Variants in TMEM63C observed in about 807,000 individuals in gnomAD.
TMEM63C encodes transmembrane protein 63C, also known as osmosensitive cation channel TMEM63C.
A neutral mutation model predicts 99.2 loss-of-function variants in TMEM63C; 32 were observed. The observed-to-expected ratio is 0.32, with a 90% confidence interval of 0.24 to 0.43. TMEM63C has a LOEUF of 0.43. Among genes scored for constraint, TMEM63C ranks in the 20% least tolerant of loss-of-function variants. TMEM63C has a pLI of 1.00. For missense variants in TMEM63C, 826 were observed against 1,053.0 expected (o/e 0.78, Z 2.98); for synonymous variants, 376 against 397.9 (o/e 0.94, Z 0.66).
Position 77,238,807 on chromosome 14 carries a change from TCCCCATAA to T in TMEM63C, c.725+45_725+52del, listed in dbSNP as rs762054657. ...GTAGGCCAAGGCGTGGATTGCTTCC[TCCCCATAA>T]CCCCGCCTGGGTCCTCAAGTGGGTA... On this transcript the variant is annotated intron_variant, in intron 10 of 23. Transcript: ENST00000298351. 3 of 1,536,212 alleles carry T rather than the reference TCCCCATAA, an allele frequency of 2.0e-6. No homozygotes were observed. In the Admixed American group the frequency reaches 5.0e-5, roughly 26 times the overall value.
Position 77,218,791 on chromosome 14 carries a change from T to C in TMEM63C, c.-13-10T>C, listed in dbSNP as rs759849365. 4 of 1,612,020 alleles carry C rather than the reference T, an allele frequency of 2.5e-6. No individual in the cohort carries two copies. The highest frequency in any genetic ancestry group is 3.4e-6 in the Non-Finnish European group (4 of 1,179,238). ...CTTTGCATCTGACCTGGATGCCCTCTGTTTCCCAGGGATCCTCCCAGGATG... is the reference window on the plus strand; with the variant it reads ...CTTTGCATCTGACCTGGATGCCCTCCGTTTCCCAGGGATCCTCCCAGGATG... On this transcript the variant is annotated splice_polypyrimidine_tract_variant and intron_variant, in intron 2 of 23. Transcript: ENST00000298351.
chr14:77,182,819 G>T (rs1184271034), intron 1 of TMEM63C, among the ~76,000 whole-genome samples: 3 of 152,112 alleles, frequency 2.0e-5, no homozygotes, highest in African/African-American at 7.2e-5. Flanking sequence ...TGTTCTTGTG[G>T]GTTCAAGGAA....
chr14:77,233,015 T>C (rs1298510148), intron 7 of TMEM63C, among the ~76,000 whole-genome samples: 1 of 152,168 alleles, frequency 6.6e-6, no homozygotes, highest in African/African-American at 2.4e-5. Flanking sequence ...TTTAGACACA[T>C]TTTATAAGGG....
At chr14:77,251,710 A>G (rs540065791) in intron 21 of TMEM63C, 79 bp from the exon 22 acceptor site, 1 of 1,157,772 alleles carries the variant, frequency 8.6e-7, no homozygotes, top group Non-Finnish European at 1.3e-6. Flanking sequence ...TGGTGCTGTG[A>G]CGGTCCCTGG....
At chr14:77,253,881 T>G (rs1594871569) in intron 23 of TMEM63C, among the ~76,000 whole-genome samples, 1 of 134,770 alleles carries the variant, frequency 7.4e-6, no homozygotes, top group Non-Finnish European at 1.5e-5. Flanking sequence ...GCAGGCTGGG[T>G]GCTGTCTCTC....
At chr14:77,187,536 T>A (rs1888023570) in intron 1 of TMEM63C, among the ~76,000 whole-genome samples, 1 of 152,186 alleles carries the variant, frequency 6.6e-6, no homozygotes, top group African/African-American at 2.4e-5. Context: ...CTTGGGGCCC[T>A]GGCCCAGGCA....
intron 6 of TMEM63C, among the ~76,000 whole-genome samples, chr14:77,226,113 C>T (rs1210384900): frequency 1.3e-5 from 2 of 152,258 alleles, no homozygotes; most frequent in Non-Finnish European, 2.9e-5. Flanking sequence ...CATGCACACT[C>T]ATACATACAC....
intron 16 of TMEM63C, 95 bp from the exon 17 acceptor site, chr14:77,245,845 C>T: frequency 2.2e-6 from 2 of 927,416 alleles, no homozygotes; most frequent in Non-Finnish European, 3.6e-6. Context: ...AGAGCCAAAC[C>T]ATATCAGTGT....
At position 77,242,352 on chromosome 14, in the gene TMEM63C, G is replaced by T. The variant is rs201848457; in HGVS notation, c.1070G>T (p.Arg357Leu). Reference sequence around the variant, plus strand: ...CTCTTCTCCCCTCTCTGCAGTGTCCGTAAGGATTACAAGTATGTCCAGTGT... The same window carrying T: ...CTCTTCTCCCCTCTCTGCAGTGTCCTTAAGGATTACAAGTATGTCCAGTGT... ...FQDSRMAKRV[R>L]KDYKYVQCGV... is the part of the protein sequence containing the mutation. Residue 357 changes from arginine to leucine, a missense_variant, in exon 14 of 24, where the codon CGT (arginine) becomes CTT (leucine). Physicochemically the swap from Arg to Leu is moderately radical, Grantham distance 102 (BLOSUM62 -2). Coordinates refer to ENST00000298351, the MANE Select transcript of TMEM63C (RefSeq NM_020431.4). 1.2e-6 allele frequency: 2 copies of T among 1,602,772 alleles called. No homozygotes were observed. Among genetic ancestry groups the T allele is most frequent in the Admixed American group, 3.4e-5 (2 of 59,132 alleles).
rs962668004 is a variant in TMEM63C, at chr14:77,233,401, C to T, written c.494-51C>T. On this transcript the variant is annotated intron_variant, in intron 7 of 23. Coordinates refer to ENST00000298351, the MANE Select transcript of TMEM63C (RefSeq NM_020431.4). The stretch of plus-strand genomic sequence containing the variant: ...TCCAGGAACCTTGAATTCTGGCGCC[C>T]CCAGCAACTGAGGAGCCAGGCTCGA... The T allele has an allele frequency of 1.6e-5, 26 of 1,595,304 alleles. No individual in the cohort carries two copies. In the African/African-American group the frequency reaches 2.8e-4, roughly 17 times the overall value.
In TMEM63C at chr14:77,249,388, C is replaced by T. The variant is rs781446602; in HGVS notation, c.1968C>T (p.Ala656=). 1.2e-5 allele frequency: 19 copies of T among 1,613,934 alleles called. No individual in the cohort carries two copies. Among genetic ancestry groups the T allele is most frequent in the African/African-American group, 2.7e-5 (2 of 74,926 alleles). Residue 656 remains alanine (A), a synonymous_variant, in exon 21 of 24, where the codon GCC becomes GCT. Transcript: ENST00000298351. ...TGAACGAGCAGATCCACATGGCTGC[C>T]GTCTCCCAGGCCATCTTTGCGCCAC... ...TKLNEQIHMA[A]VSQAIFAPLL...
At chr14:77,246,709 G>T in intron 18 of TMEM63C, 35 bp downstream of exon 18, 1 of 1,577,560 alleles carries the variant, frequency 6.3e-7, no homozygotes, top group East Asian at 2.2e-5. Context: ...GGGCTGCTGT[G>T]TGTGCACACA....
chr14:77,196,463 G>T (rs956008814), intron 1 of TMEM63C, among the ~76,000 whole-genome samples: 3 of 152,244 alleles, frequency 2.0e-5, no homozygotes, highest in Non-Finnish European at 4.4e-5. Flanking sequence ...CTGCCCATGA[G>T]GCCTGGGAAG....
intron 1 of TMEM63C, among the ~76,000 whole-genome samples, chr14:77,196,640 C>G (rs750284455): frequency 1.3e-5 from 2 of 152,186 alleles, no homozygotes; most frequent in Non-Finnish European, 2.9e-5. Context: ...TTCCCTAACT[C>G]TTGACACTTT....
intron 6 of TMEM63C, among the ~76,000 whole-genome samples, chr14:77,227,205 A>G (rs2140115667): frequency 6.6e-6 from 1 of 152,324 alleles, no homozygotes; most frequent in East Asian, 1.9e-4. Flanking sequence ...GAATGGCATT[A>G]GAGAAAGTCC....
intron 1 of TMEM63C, among the ~76,000 whole-genome samples, chr14:77,191,620 C>G (rs1382076001): frequency 7.0e-6 from 1 of 141,976 alleles, no homozygotes; most frequent in African/African-American, 2.5e-5. Flanking sequence ...TCTCGGCTCA[C>G]CACAACCTCC....
intron 1 of TMEM63C, among the ~76,000 whole-genome samples, chr14:77,210,852 G>C (rs1888483587): frequency 6.6e-6 from 1 of 152,294 alleles, no homozygotes; most frequent in South Asian, 2.1e-4. Flanking sequence ...GGTGGGAGCT[G>C]TGGCTTTGTG....
At chr14:77,236,962 GCTCCACCCTCTCACGCTC>G (rs949524352) in intron 9 of TMEM63C, among the ~76,000 whole-genome samples, 31 of 121,862 alleles carry the variant, frequency 2.5e-4, no homozygotes, top group Non-Finnish European at 4.3e-4. Flanking sequence ...CCTCCACGCT[GCTCCACCCTCTCACGCTC>G]CTCCACCCTC....
chr14:77,200,069 C>T (rs1888275322), intron 1 of TMEM63C, among the ~76,000 whole-genome samples: 1 of 152,178 alleles, frequency 6.6e-6, no homozygotes, highest in Non-Finnish European at 1.5e-5. Context: ...CCAGTGCCTC[C>T]TTGTGTCTAA....
Sources: allele counts gnomAD v4.1 joint callset (sites outside exome capture counted in the v4.1 genomes callset), GRCh38; gene constraint gnomAD v4.1.1; transcripts MANE v1.5; gene names NCBI Gene and HGNC (gene_info 2026-07-23, HGNC 2026-07-21).